The following RORA variants were observed in gnomAD, a reference collection of about 807,000 sequenced individuals.
RORA encodes the protein nuclear receptor ROR-alpha.
Under a neutral mutation model 69.5 loss-of-function variants are expected in RORA, and 7 were observed. The observed-to-expected ratio is 0.10, with a 90% CI of 0.06 to 0.19. The LOEUF (loss-of-function observed/expected upper bound fraction) is 0.19. RORA is among the 10% of genes least tolerant of loss of function. RORA has a pLI of 1.00. For synonymous variants in RORA, 261 were observed against 240.8 expected (o/e 1.08, Z -0.78); for missense variants, 457 against 663.0 (o/e 0.69, Z 3.41).
chr15:61,228,377 G>T (rs945160342), intron 1 of RORA, among the ~76,000 whole-genome samples: 1 of 147,538 alleles, frequency 6.8e-6, no homozygotes, highest in Non-Finnish European at 1.5e-5. Context: ...AGACAACTTG[G>T]CGAACAGCTC....
At chr15:61,161,401 C>A (rs2079494746) in intron 1 of RORA, among the ~76,000 whole-genome samples, 1 of 152,146 alleles carries the variant, frequency 6.6e-6, no homozygotes, top group African/African-American at 2.4e-5. Context: ...GCTGGCTCTG[C>A]CATTTTCCAG....
At chr15:60,775,856 C>T (rs999547641) in intron 1 of RORA, among the ~76,000 whole-genome samples, 14 of 152,174 alleles carry the variant, frequency 9.2e-5, no homozygotes, top group African/African-American at 2.9e-4. Flanking sequence ...TGAAGCACCC[C>T]GTCCTTTCAT....
intron 3 of RORA, among the ~76,000 whole-genome samples, chr15:60,524,810 T>A (rs1323593522): frequency 6.6e-6 from 1 of 152,186 alleles, no homozygotes; most frequent in Admixed American, 6.5e-5. Context: ...GTTGGACACT[T>A]TGCCATCATT....
At chr15:60,567,612 T>A (rs1049356411) in intron 2 of RORA, among the ~76,000 whole-genome samples, 3 of 152,046 alleles carry the variant, frequency 2.0e-5, no homozygotes, top group Non-Finnish European at 4.4e-5. Context: ...GGTTTTACCA[T>A]GTTGGCCAGG....
chr15:60,511,421 G>T lies in RORA; in HGVS notation c.625C>A (p.Pro209Thr). The change falls in exon 5 of 11, where the codon CCT becomes ACT. Residue 209 changes from proline to threonine, a missense_variant. Pro to Thr is a conservative substitution (Grantham distance 38). Transcript: ENST00000335670. This position sits in a 1 kb window ranked among gnomAD's most constrained non-coding sequence, Gnocchi z 6.4. ...DLSNYIDGHT[P>T]EGSKADSAVS... ...GCGGAGTCTGCCTTACTCCCCTCAG[G>T]GGTGTGCCCGTCAATGTAGTTACTG... 1 of 1,614,182 alleles carries T rather than the reference G, an allele frequency of 6.2e-7. No homozygotes were observed. The highest frequency in any genetic ancestry group is 2.2e-5 in the East Asian group (1 of 44,886).
intron 1 of RORA, among the ~76,000 whole-genome samples, chr15:60,796,573 T>C (rs2072500413): frequency 6.6e-6 from 1 of 152,122 alleles, no homozygotes; most frequent in African/African-American, 2.4e-5. Flanking sequence ...TATGTGTACA[T>C]GCTGGTTGGA....
rs372057723 is a variant in RORA at position 60,495,086 on chromosome 15, A to G, written c.*2369T>C. 1 of 152,250 alleles carries G rather than the reference A, an allele frequency of 6.6e-6. No individual in the cohort carries two copies. Among genetic ancestry groups the G allele is most frequent in the Non-Finnish European group, 1.5e-5 (1 of 68,050 alleles). The allele number at this position is 152,250 out of a possible 1,614,324, so 9.4% of individuals were successfully genotyped here. On this transcript the variant is annotated 3_prime_UTR_variant, in exon 11 of 11. Transcript: ENST00000335670. The stretch of plus-strand genomic sequence containing the variant: ...AATTTAGTGAATCTGAATGACAAAA[A>G]AACAAAACAAAACCAAAACCAAAAA...
intron 1 of RORA, among the ~76,000 whole-genome samples, chr15:61,115,610 C>G (rs1024711756): frequency 2.0e-5 from 3 of 152,172 alleles, no homozygotes; most frequent in African/African-American, 7.2e-5. Context: ...CAAAAGACTG[C>G]CTTCCCGGAG....
intron 1 of RORA, among the ~76,000 whole-genome samples, chr15:61,186,126 C>A (rs766048871): frequency 6.6e-6 from 1 of 152,208 alleles, no homozygotes; most frequent in African/African-American, 2.4e-5. Context: ...TTGAATTTAA[C>A]TATTTAACTG....
At chr15:60,856,070 A>G (rs1214051719) in intron 1 of RORA, among the ~76,000 whole-genome samples, 4 of 152,106 alleles carry the variant, frequency 2.6e-5, no homozygotes, top group Non-Finnish European at 5.9e-5. Context: ...GGATCCTTAA[A>G]CCCACTCATG....
chr15:61,119,174 T>C (rs985878912), intron 1 of RORA, among the ~76,000 whole-genome samples: 1 of 151,556 alleles, frequency 6.6e-6, no homozygotes, highest in African/African-American at 2.4e-5. Context: ...CCCAGAGATA[T>C]TTTCAGGGGC....
intron 1 of RORA, among the ~76,000 whole-genome samples, chr15:61,179,501 C>T (rs904100631): frequency 1.3e-5 from 2 of 152,124 alleles, no homozygotes; most frequent in Non-Finnish European, 2.9e-5. Context: ...TATTTTAAAA[C>T]ACATGTATTT....
intron 1 of RORA, among the ~76,000 whole-genome samples, chr15:60,898,168 G>C (rs1891283853): frequency 6.6e-6 from 1 of 152,208 alleles, no homozygotes; most frequent in African/African-American, 2.4e-5. Context: ...CAAAGAAGCA[G>C]AGGCTCAGCT....
chr15:60,684,062 A>C (rs1029267137), intron 1 of RORA, among the ~76,000 whole-genome samples: 3 of 151,854 alleles, frequency 2.0e-5, no homozygotes, highest in Admixed American at 6.6e-5. Flanking sequence ...TTTTTAGGAA[A>C]TTGTCTGGGT....
intron 1 of RORA, among the ~76,000 whole-genome samples, chr15:61,085,059 G>A (rs1259884663): frequency 6.6e-6 from 1 of 151,932 alleles, no homozygotes; most frequent in Non-Finnish European, 1.5e-5. Flanking sequence ...TTGTTGCTAA[G>A]CTCAGCCAAG....
intron 1 of RORA, among the ~76,000 whole-genome samples, chr15:61,135,004 C>T (rs2079223244): frequency 6.6e-6 from 1 of 152,074 alleles, no homozygotes. Context: ...CAACATACCA[C>T]TGTCCTGAGA....
intron 2 of RORA, among the ~76,000 whole-genome samples, chr15:60,616,120 T>C (rs560429332): frequency 6.6e-6 from 1 of 152,282 alleles, no homozygotes; most frequent in South Asian, 2.1e-4. Flanking sequence ...CATAAAACAC[T>C]TTATGTCCTG....
chr15:60,792,813 A>T (rs1044734259), intron 1 of RORA, among the ~76,000 whole-genome samples: 25 of 152,346 alleles, frequency 1.6e-4, no homozygotes, highest in African/African-American at 5.5e-4. Context: ...CCAAATGGTA[A>T]CTCAGATCTA....
At chr15:61,005,267 G>A (rs1443807405) in intron 1 of RORA, among the ~76,000 whole-genome samples, 1 of 152,130 alleles carries the variant, frequency 6.6e-6, no homozygotes, top group Non-Finnish European at 1.5e-5. Flanking sequence ...ATCATTTGAG[G>A]TCAGGAGTTC....
Sources: gnomAD v4.1 joint callset for allele counts (sites outside exome capture counted in the v4.1 genomes callset) on GRCh38, gnomAD v4.1.1 for gene constraint, Gnocchi (gnomAD v3.1) non-coding constraint, MANE v1.5 for transcripts, NCBI Gene and HGNC (gene_info 2026-07-23, HGNC 2026-07-21) for gene names.